HSDL1: variants seen among roughly 807,000 people sequenced by gnomAD.
HSDL1 encodes inactive hydroxysteroid dehydrogenase-like protein 1.
A neutral mutation model predicts 31.5 loss-of-function variants in HSDL1; 29 were observed. The ratio of observed to expected loss-of-function variants is 0.92; its 90% CI spans 0.69 to 1.26. HSDL1 has a LOEUF of 1.26. Ranked by LOEUF, HSDL1 falls within the 50% of genes most tolerant of loss-of-function variation. The pLI, the probability that HSDL1 is intolerant of heterozygous loss-of-function variation, is 0.00. For synonymous variants in HSDL1, 222 were observed against 155.2 expected, an observed-to-expected ratio of 1.43 and a Z score of -3.20; for missense variants, 503 against 416.6, an observed-to-expected ratio of 1.21 and a Z score of -1.81.
At chr16:84,133,604 C>G (rs1335851167) in intron 2 of HSDL1, among the ~76,000 whole-genome samples, 1 of 152,158 alleles carries the variant, frequency 6.6e-6, no homozygotes, top group Non-Finnish European at 1.5e-5. Flanking sequence ...GTGGTGGGCA[C>G]ATGTAATCCC....
chr16:84,124,884 TCAATCACAACAAATACCCAC>T (rs71148880), intron 5 of HSDL1, 156 bp from the exon 6 acceptor site: 20,771 of 520,752 alleles, frequency 0.04, 6,368 homozygotes, highest in Admixed American at 0.043. Context: ...TACCCACCAA[TCAATCACAACAAATACCCAC>T]CAATCACAAC....
chr16:84,143,840 A>C lies in HSDL1; in HGVS notation c.-69+1240T>G, dbSNP rs552418335. Among the ~76,000 whole-genome samples the C allele has an allele frequency of 9.0e-3, 1,374 of 151,892 alleles. 10 individuals are homozygous for C. Among genetic ancestry groups the C allele is most frequent in the Middle Eastern group, 0.031 (9 of 294 alleles). Reference sequence around the variant, plus strand: ...AGCGAAACCCCGTCTCTACTAAAAAAAAAAAAAAAAAAATTAGCTGGGTGT... The same window carrying C: ...AGCGAAACCCCGTCTCTACTAAAAACAAAAAAAAAAAAATTAGCTGGGTGT... On this transcript the variant is annotated intron_variant, in intron 1 of 5. Transcript: ENST00000219439.
rs1375765261 is a variant in HSDL1, at chr16:84,124,637, G to C, written c.986C>G (p.Thr329Arg). The C allele has an allele frequency of 2.5e-6, 4 of 1,610,144 alleles. No homozygotes were observed. The highest frequency in any genetic ancestry group is 3.4e-6 in the Non-Finnish European group (4 of 1,176,456). Residue 329 changes from threonine to arginine, a missense_variant, in exon 6 of 6, where the codon ACA becomes AGA. Transcript: ENST00000219439. ...RSLRKEALSC[T>R]A ...TCAAGTGGCCATCCAGACTCAGGCT[G>C]TGCAGGATAAGGCTTCCTTACGTAG...
chr16:84,143,901 G>C (rs1006992499), intron 1 of HSDL1, among the ~76,000 whole-genome samples: 1 of 152,070 alleles, frequency 6.6e-6, no homozygotes, highest in African/African-American at 2.4e-5. Context: ...TACTCGGAAG[G>C]CTGAGGCAGG....
At chr16:84,131,616 G>A (rs1056241599) in intron 2 of HSDL1, among the ~76,000 whole-genome samples, 5 of 151,418 alleles carry the variant, frequency 3.3e-5, no homozygotes, top group South Asian at 2.1e-4. Context: ...CCGGGTTCAA[G>A]CGATTCTCCT....
intron 3 of HSDL1, 145 bp from the exon 4 acceptor site, chr16:84,130,576 C>G: frequency 3.0e-6 from 2 of 659,318 alleles, no homozygotes; most frequent in Non-Finnish European, 5.2e-6. Flanking sequence ...GTCAAGGACA[C>G]TGTTGCTGAA....
At chr16:84,137,520 G>C (rs1030548674) in intron 1 of HSDL1, among the ~76,000 whole-genome samples, 1 of 152,174 alleles carries the variant, frequency 6.6e-6, no homozygotes, top group Admixed American at 6.5e-5. Flanking sequence ...GGGGAGGAGG[G>C]GGGCTCCTGA....
intron 5 of HSDL1, among the ~76,000 whole-genome samples, chr16:84,126,532 G>A (rs2086608488): frequency 6.6e-6 from 1 of 152,118 alleles, no homozygotes; most frequent in Non-Finnish European, 1.5e-5. Flanking sequence ...TGCTGAGGTG[G>A]AGAAAGCCTA....
intron 2 of HSDL1, among the ~76,000 whole-genome samples, chr16:84,133,968 T>C (rs540367119): frequency 5.7e-4 from 87 of 152,318 alleles, no homozygotes; most frequent in African/African-American, 2.0e-3. Context: ...TGAACCAGAT[T>C]GGCTGAGATG....
rs1058437 is a variant in HSDL1, at chr16:84,123,588, A to T, written c.*1042T>A. 0.24 allele frequency: 36,897 copies of T among 152,526 alleles called. 4,749 individuals are homozygous for T. The highest frequency in any genetic ancestry group is 0.29 in the Non-Finnish European group (19,820 of 67,996). 9.4% of individuals were successfully genotyped at this position (152,526 alleles called of 1,614,324 possible). On this transcript the variant is annotated 3_prime_UTR_variant, in exon 6 of 6. Coordinates refer to ENST00000219439, the MANE Select transcript of HSDL1 (RefSeq NM_031463.5). The stretch of plus-strand genomic sequence containing the variant: ...AACCAAGAATAAGCTTCTAACTTAT[A>T]TTGACAGATATGTCACACACGTAAT...
At chr16:84,141,957 T>G (rs1466321431) in intron 1 of HSDL1, among the ~76,000 whole-genome samples, 2 of 152,254 alleles carry the variant, frequency 1.3e-5, no homozygotes, top group Non-Finnish European at 2.9e-5. Context: ...AGACAAGGTC[T>G]GGCTCTATTG....
intron 2 of HSDL1, among the ~76,000 whole-genome samples, chr16:84,131,681 A>AT (rs5818484): frequency 0.014 from 1,851 of 127,982 alleles, 30 homozygotes; most frequent in South Asian, 0.029. Flanking sequence ...CGCCCGGCTA[A>AT]TTTTTTTTTT....
intron 1 of HSDL1, chr16:84,144,363 C>A (rs2086813827): frequency 6.6e-6 from 1 of 152,302 alleles, no homozygotes; most frequent in South Asian, 2.1e-4. Flanking sequence ...CCCCCGACTG[C>A]CTCGCAGTCA....
At chr16:84,130,545 A>C in intron 3 of HSDL1, 114 bp from the exon 4 acceptor site, 2 of 794,318 alleles carry the variant, frequency 2.5e-6, no homozygotes, top group Non-Finnish European at 4.0e-6. Context: ...CTAGAAATCA[A>C]GTCGGTTCTA....
Position 84,140,984 on chromosome 16 carries a change from G to T in HSDL1, c.-69+4096C>A, listed in dbSNP as rs199643583. 2.3e-3 allele frequency among the ~76,000 whole-genome samples: 350 copies of T among 151,190 alleles called. 1 individual carries two copies. Among genetic ancestry groups the T allele is most frequent in the African/African-American group, 8.5e-3 (342 of 40,472 alleles). ...TGGGCGCCTGTAGTCCCAGCTACTC[G>T]GGAGGCTGAGGCAGGAGAATGGCGT... On this transcript the variant is annotated intron_variant, in intron 1 of 5. Transcript: ENST00000219439.
intron 1 of HSDL1, among the ~76,000 whole-genome samples, chr16:84,142,395 G>A (rs917454721): frequency 5.0e-5 from 7 of 141,202 alleles, no homozygotes; most frequent in Admixed American, 2.1e-4. Context: ...TCCTCCTGGC[G>A]TTTTGTGATG....
intron 5 of HSDL1, 120 bp downstream of exon 5, chr16:84,129,428 G>A (rs1416578222): frequency 1.3e-6 from 1 of 747,752 alleles, no homozygotes; most frequent in African/African-American, 1.8e-5. Flanking sequence ...ATTATTAAGT[G>A]TCAGGCTTAA....
At chr16:84,140,230 C>T (rs11860244) in intron 1 of HSDL1, among the ~76,000 whole-genome samples, 8,900 of 152,232 alleles carry the variant, frequency 0.058, 855 homozygotes, top group African/African-American at 0.2. Context: ...CTCTGGAGGG[C>T]AGGAGATGTA....
intron 1 of HSDL1, 42 bp downstream of exon 1, chr16:84,145,036 GAA>G (rs2086834583): frequency 6.5e-6 from 1 of 153,936 alleles, no homozygotes; most frequent in African/African-American, 2.4e-5. Flanking sequence ...GGTCTGGGGC[GAA>G]AGGACCGCGA....
Sources: gnomAD v4.1 joint callset for allele counts (sites outside exome capture counted in the v4.1 genomes callset) on GRCh38, gnomAD v4.1.1 for gene constraint, MANE v1.5 for transcripts, NCBI Gene and HGNC (gene_info 2026-07-23, HGNC 2026-07-21) for gene names.